Variants in TBC1D1 observed in about 807,000 individuals in gnomAD.
TBC1D1 encodes TBC1 domain family member 1, also known as TBC1 (tre-2/USP6, BUB2, cdc16) domain family, member 1.
Under a neutral mutation model 125.6 loss-of-function variants are expected in TBC1D1, and 89 were observed. The ratio of observed to expected loss-of-function variants is 0.71; its 90% confidence interval spans 0.60 to 0.85. The LOEUF is 0.85. Ranked by LOEUF, TBC1D1 falls within the 40% of genes least tolerant of loss-of-function variation. The pLI, the probability that TBC1D1 is intolerant of heterozygous loss-of-function variation, is 0.00. For missense variants in TBC1D1, 1,377 were observed against 1,469.2 expected (o/e 0.94, Z 1.03); for synonymous variants, 565 against 564.1 (o/e 1.00, Z -0.02).
chr4:37,942,936 G>A (rs1725885983), intron 2 of TBC1D1, among the ~76,000 whole-genome samples: 1 of 152,142 alleles, frequency 6.6e-6, no homozygotes, highest in Non-Finnish European at 1.5e-5. Context: ...AGCATTGACG[G>A]TCTTTACATT....
chr4:37,913,420 G>A (rs1441247423), intron 2 of TBC1D1, among the ~76,000 whole-genome samples: 1 of 151,980 alleles, frequency 6.6e-6, no homozygotes, highest in Non-Finnish European at 1.5e-5. Context: ...CCAACATGGA[G>A]AAACCCCATC....
chr4:37,910,443 A>G (rs1718341617), intron 2 of TBC1D1, among the ~76,000 whole-genome samples: 1 of 152,242 alleles, frequency 6.6e-6, no homozygotes, highest in African/African-American at 2.4e-5. Context: ...TATAATGATT[A>G]CATGTTGAAA....
chr4:38,027,072 G>C (rs184966031), intron 6 of TBC1D1, among the ~76,000 whole-genome samples: 53 of 152,310 alleles, frequency 3.5e-4, no homozygotes, highest in Non-Finnish European at 5.6e-4. Context: ...AGAAGGTTCT[G>C]ATTACGTGAG....
At chr4:38,067,751 G>C (rs1753989567) in intron 12 of TBC1D1, among the ~76,000 whole-genome samples, 1 of 152,162 alleles carries the variant, frequency 6.6e-6, no homozygotes, top group Non-Finnish European at 1.5e-5. Context: ...CCCTGGTGCA[G>C]GTCCCAGTGT....
chr4:37,954,469 G>A (rs866411392), intron 2 of TBC1D1, among the ~76,000 whole-genome samples: 1 of 151,984 alleles, frequency 6.6e-6, no homozygotes, highest in Admixed American at 6.6e-5. Flanking sequence ...AAAGGTCTAC[G>A]TCTATTGTCT....
rs768466492 is a variant in TBC1D1 at position 38,027,792 on chromosome 4, G to A, written c.1215G>A (p.Met405Ile). Residue 405 changes from methionine to isoleucine, a missense_variant, in exon 7 of 20, where the codon ATG becomes ATA. Met to Ile is a conservative substitution (Grantham distance 10). Coordinates refer to ENST00000261439, the MANE Select transcript of TBC1D1 (RefSeq NM_015173.4). ...CTCTCTTTTTTCTCTTAATAGGAAT[G>A]AATTCTTCCAAAACAAAACTAGAAC... The A allele has an allele frequency of 6.2e-7, 1 of 1,609,088 alleles. No individual in the cohort carries two copies. The highest frequency in any genetic ancestry group is 1.1e-5 in the South Asian group (1 of 90,004).
At chr4:38,033,067 TA>T (rs1560657640) in intron 7 of TBC1D1, among the ~76,000 whole-genome samples, 1 of 152,244 alleles carries the variant, frequency 6.6e-6, no homozygotes, top group Non-Finnish European at 1.5e-5. Flanking sequence ...CTCTGATTCT[TA>T]ATCAGTTTTT....
chr4:38,135,911 C>T (rs559643273), intron 19 of TBC1D1, among the ~76,000 whole-genome samples: 3,143 of 129,914 alleles, frequency 0.024, 55 homozygotes, highest in Non-Finnish European at 0.03. Flanking sequence ...TGTATATATA[C>T]GTGTGTGTGT....
At chr4:38,083,613 A>G (rs2152528631) in intron 12 of TBC1D1, among the ~76,000 whole-genome samples, 1 of 152,330 alleles carries the variant, frequency 6.6e-6, no homozygotes, top group South Asian at 2.1e-4. Context: ...AATCCTATGA[A>G]CTAGTCAGTT....
chr4:37,899,662 A>G (rs949333031), intron 1 of TBC1D1, among the ~76,000 whole-genome samples: 23 of 152,250 alleles, frequency 1.5e-4, no homozygotes, highest in African/African-American at 5.5e-4. Context: ...CATCAGCAGC[A>G]GGATCACCAG....
chr4:38,125,073 T>C lies in TBC1D1; in HGVS notation c.3074T>C (p.Phe1025Ser), dbSNP rs1296927578. The C allele has an allele frequency of 6.2e-7, 1 of 1,613,894 alleles. No individual in the cohort carries two copies. The highest frequency in any genetic ancestry group is 8.5e-7 in the Non-Finnish European group (1 of 1,180,018). ...GAAAACCTAGAAACCATAGTTGACT[T>C]TATAAAAAGCACGCTACCCAACCTT... Residue 1025 changes from phenylalanine (F) to serine (S), a missense_variant, in exon 18 of 20, where the codon TTT becomes TCT. By Grantham distance (155) the Phe-to-Ser change is radical (BLOSUM62 -2). Coordinates refer to ENST00000261439, the MANE Select transcript of TBC1D1 (RefSeq NM_015173.4).
chr4:38,097,344 T>C (rs1051642389), intron 14 of TBC1D1, among the ~76,000 whole-genome samples: 1 of 148,112 alleles, frequency 6.8e-6, no homozygotes, highest in African/African-American at 2.5e-5. Context: ...TTGTGGGTTT[T>C]TTTTTTTTTT....
intron 2 of TBC1D1, among the ~76,000 whole-genome samples, chr4:37,975,566 C>T (rs745444619): frequency 2.0e-5 from 3 of 152,180 alleles, no homozygotes; most frequent in African/African-American, 7.2e-5. Context: ...TTGACACTAA[C>T]ACTACCGCTA....
intron 8 of TBC1D1, among the ~76,000 whole-genome samples, chr4:38,041,543 G>GA (rs1748380419): frequency 6.6e-6 from 1 of 151,276 alleles, no homozygotes; most frequent in African/African-American, 2.4e-5. Flanking sequence ...GTAAGAGCAA[G>GA]AAAAAAAAGC....
intron 2 of TBC1D1, among the ~76,000 whole-genome samples, chr4:37,936,873 C>A (rs1724507524): frequency 6.6e-6 from 1 of 152,154 alleles, no homozygotes; most frequent in Non-Finnish European, 1.5e-5. Flanking sequence ...AACTAATGAG[C>A]AAGTGAATGA....
At chr4:38,066,624 G>A (rs935731761) in intron 12 of TBC1D1, among the ~76,000 whole-genome samples, 2 of 151,602 alleles carry the variant, frequency 1.3e-5, no homozygotes, top group Non-Finnish European at 2.9e-5. Context: ...GTGCCACTGC[G>A]CCAGGCCTCC....
chr4:38,103,113 T>G lies in TBC1D1; in HGVS notation c.2513T>G (p.Leu838Ter), dbSNP rs1351585212. The G allele has an allele frequency of 6.2e-7, 1 of 1,613,950 alleles. No homozygotes were observed. Among genetic ancestry groups the G allele is most frequent in the Admixed American group, 1.7e-5 (1 of 59,982 alleles). ...AAGGATGTGCCATACAAAGAACTCT[T>G]AAAGCAGCTGACTTCCCAGCAGCAT... The change falls in exon 15 of 20, where the codon TTA (leucine) becomes TGA (stop). Residue 838 changes from leucine (L) to a stop codon, truncating the protein, a stop_gained. Transcript: ENST00000261439. LOFTEE classifies it high-confidence loss of function.
At chr4:38,136,520 C>T (rs1365150887) in intron 19 of TBC1D1, among the ~76,000 whole-genome samples, 1 of 152,126 alleles carries the variant, frequency 6.6e-6, no homozygotes, top group Admixed American at 6.5e-5. Context: ...ATGGCGTGGA[C>T]GTGAATAAAT....
intron 1 of TBC1D1, among the ~76,000 whole-genome samples, chr4:37,898,725 G>T (rs1024212915): frequency 6.6e-6 from 1 of 152,138 alleles, no homozygotes; most frequent in African/African-American, 2.4e-5. Flanking sequence ...TCCAACCCAG[G>T]AGTCTCATGT....
Sources: allele counts gnomAD v4.1 joint callset (sites outside exome capture counted in the v4.1 genomes callset), GRCh38; gene constraint gnomAD v4.1.1; transcripts MANE v1.5; gene names NCBI Gene and HGNC (gene_info 2026-07-23, HGNC 2026-07-21).